UNC5D: variants seen among roughly 807,000 people sequenced by gnomAD.
UNC5D encodes the protein netrin receptor UNC5D.
In UNC5D, 39 loss-of-function variants were observed where a neutral mutation model predicts 105.4. The observed-to-expected ratio is 0.37, with a 90% CI of 0.29 to 0.48. The LOEUF (loss-of-function observed/expected upper bound fraction) is 0.48, where lower values mean the gene tolerates loss of function less well. Among genes scored for constraint, UNC5D ranks in the 20% least tolerant of loss-of-function variants. The pLI, the probability that UNC5D is intolerant of heterozygous loss-of-function variation, is 0.98. For synonymous variants in UNC5D, 452 were observed against 450.4 expected (o/e 1.00, Z -0.04); for missense variants, 991 against 1,202.4 (o/e 0.82, Z 2.60).
At chr8:35,519,583 T>C (rs1166189700) in intron 1 of UNC5D, among the ~76,000 whole-genome samples, 3 of 152,026 alleles carry the variant, frequency 2.0e-5, no homozygotes, top group African/African-American at 7.2e-5. Context: ...TACCAAAAGG[T>C]ATATAAAGAA....
intron 1 of UNC5D, among the ~76,000 whole-genome samples, chr8:35,294,697 CTTTTTTTTT>C (rs36071675): frequency 7.1e-6 from 1 of 141,318 alleles, no homozygotes; most frequent in African/African-American, 2.6e-5. Context: ...TTCTTTTCTT[CTTTTTTTTT>C]TTTTTTTTAC....
chr8:35,438,516 T>C (rs186748790), intron 1 of UNC5D, among the ~76,000 whole-genome samples: 4 of 152,142 alleles, frequency 2.6e-5, no homozygotes, highest in Non-Finnish European at 4.4e-5. Context: ...AGCAAAGATA[T>C]GTGGGCATCT....
intron 4 of UNC5D, among the ~76,000 whole-genome samples, chr8:35,639,411 G>C (rs1161599744): frequency 2.0e-5 from 3 of 152,188 alleles, no homozygotes; most frequent in South Asian, 4.1e-4. Flanking sequence ...TGTCAAGATA[G>C]AAGAGTAATC....
chr8:35,566,482 A>T (rs1401552603), intron 2 of UNC5D, among the ~76,000 whole-genome samples: 4 of 152,246 alleles, frequency 2.6e-5, no homozygotes, highest in Non-Finnish European at 4.4e-5. Context: ...TTAAAAAAAT[A>T]GTTCCATGTA....
At chr8:35,364,461 G>T (rs948149218) in intron 1 of UNC5D, among the ~76,000 whole-genome samples, 1 of 152,042 alleles carries the variant, frequency 6.6e-6, no homozygotes, top group African/African-American at 2.4e-5. Flanking sequence ...GCTATTCCAG[G>T]CTCATCTTGT....
At position 35,444,531 on chromosome 8, in the gene UNC5D, A is replaced by G. The variant is rs113038103; in HGVS notation, c.104-104761A>G. On this transcript the variant is annotated intron_variant, in intron 1 of 16. Coordinates refer to ENST00000404895, the MANE Select transcript of UNC5D (RefSeq NM_080872.4). ...GCATGATGGCATATACCATGCATAT[A>G]GAAACACACACTTTCTCTCTCTCTC... 1.8e-3 allele frequency among the ~76,000 whole-genome samples: 267 copies of G among 152,152 alleles called. 2 individuals are homozygous for G. The highest frequency in any genetic ancestry group is 6.2e-3 in the African/African-American group (257 of 41,556).
intron 11 of UNC5D, among the ~76,000 whole-genome samples, chr8:35,743,934 C>T (rs768513100): frequency 7.9e-5 from 12 of 152,138 alleles, no homozygotes; most frequent in Non-Finnish European, 1.5e-4. Context: ...ACTCTTAGTA[C>T]GTTACACACC....
chr8:35,538,395 T>TATATA (rs1563513837), intron 1 of UNC5D, among the ~76,000 whole-genome samples: 1 of 82,446 alleles, frequency 1.2e-5, no homozygotes, highest in Non-Finnish European at 2.5e-5. Flanking sequence ...AAAAAAATAA[T>TATATA]TATATATATA....
chr8:35,643,645 G>T (rs1311028445), intron 4 of UNC5D, among the ~76,000 whole-genome samples: 1 of 152,136 alleles, frequency 6.6e-6, no homozygotes, highest in African/African-American at 2.4e-5. Context: ...CTCCCAAAGT[G>T]CTGGGATTAC....
At chr8:35,754,313 A>C (rs555674781) in intron 13 of UNC5D, among the ~76,000 whole-genome samples, 12 of 152,334 alleles carry the variant, frequency 7.9e-5, no homozygotes, top group Admixed American at 2.6e-4. Flanking sequence ...TGCTTCAACT[A>C]TCCTTATGAT....
rs1399312578 is a variant in UNC5D at position 35,497,064 on chromosome 8, A to G, written c.104-52228A>G. ...TATGACCCAGAAGCCCTCATAGGGA[A>G]TGAAGACCCCAATAAATGGTTAAAT... On this transcript the variant is annotated intron_variant, in intron 1 of 16. Transcript: ENST00000404895. Among the ~76,000 whole-genome samples, 3 of 152,324 alleles carry G rather than the reference A, an allele frequency of 2.0e-5. 1 individual carries two copies. The highest frequency in any genetic ancestry group is 7.2e-5 in the African/African-American group (3 of 41,580).
At chr8:35,353,270 G>C (rs1812369126) in intron 1 of UNC5D, among the ~76,000 whole-genome samples, 1 of 152,140 alleles carries the variant, frequency 6.6e-6, no homozygotes, top group African/African-American at 2.4e-5. Flanking sequence ...CATTCACAGA[G>C]TCATGAATGG....
At chr8:35,527,305 C>A (rs1163312690) in intron 1 of UNC5D, among the ~76,000 whole-genome samples, 2 of 152,110 alleles carry the variant, frequency 1.3e-5, no homozygotes, top group African/African-American at 4.8e-5. Context: ...GAGCTCCTTC[C>A]TGAAAGATGG....
chr8:35,764,082 A>G (rs1160741346), intron 14 of UNC5D, among the ~76,000 whole-genome samples: 1 of 152,096 alleles, frequency 6.6e-6, no homozygotes, highest in African/African-American at 2.4e-5. Context: ...CATTTGCTCT[A>G]TGTAGTAGAG....
intron 1 of UNC5D, among the ~76,000 whole-genome samples, chr8:35,316,987 A>G (rs1782369181): frequency 6.6e-6 from 1 of 152,154 alleles, no homozygotes; most frequent in Non-Finnish European, 1.5e-5. Flanking sequence ...TTAGAAGATA[A>G]GCTAACATCT....
intron 1 of UNC5D, among the ~76,000 whole-genome samples, chr8:35,352,804 G>T (rs1812332608): frequency 6.6e-6 from 1 of 151,974 alleles, no homozygotes; most frequent in South Asian, 2.1e-4. Flanking sequence ...GTAGAGACGG[G>T]GTTTCACCAT....
rs147004652 is a variant in UNC5D, at chr8:35,440,626, C to G, written c.104-108666C>G. Among the ~76,000 whole-genome samples, 467 of 151,918 alleles carry G rather than the reference C, an allele frequency of 3.1e-3. 1 individual carries two copies. The highest frequency in any genetic ancestry group is 4.9e-3 in the Non-Finnish European group (331 of 67,872). On this transcript the variant is annotated intron_variant, in intron 1 of 16. Transcript: ENST00000404895. ...TTAAGTAACTAATTTAGAAGCAAAC[C>G]CTTTGCATCACATCTCCTCCCCAAA...
intron 1 of UNC5D, among the ~76,000 whole-genome samples, chr8:35,295,904 T>G (rs887751756): frequency 6.6e-6 from 1 of 152,212 alleles, no homozygotes; most frequent in Non-Finnish European, 1.5e-5. Flanking sequence ...AGATTCTACA[T>G]GTAAGTAGGA....
At chr8:35,449,346 G>A (rs1301763082) in intron 1 of UNC5D, among the ~76,000 whole-genome samples, 2 of 151,886 alleles carry the variant, frequency 1.3e-5, no homozygotes, top group East Asian at 2.0e-4. Context: ...CACCTTCCAT[G>A]TCCTCTCTGT....
Sources: gnomAD v4.1 joint callset for allele counts (sites outside exome capture counted in the v4.1 genomes callset) on GRCh38, gnomAD v4.1.1 for gene constraint, MANE v1.5 for transcripts, NCBI Gene and HGNC (gene_info 2026-07-23, HGNC 2026-07-21) for gene names.